SLC35D2: variants seen among roughly 807,000 people sequenced by gnomAD.
SLC35D2 encodes the protein solute carrier family 35 member D2.
A neutral mutation model predicts 41.8 loss-of-function variants in SLC35D2; 43 were observed. The observed-to-expected ratio is 1.03, with a 90% CI of 0.81 to 1.33. The LOEUF is 1.33. Among genes scored for constraint, SLC35D2 ranks in the 40% most tolerant of loss-of-function variants. The probability of loss-of-function intolerance (pLI) is 0.00; values close to 1 mark genes in which losing one functional copy is unlikely to be tolerated. For synonymous variants in SLC35D2, 150 were observed against 163.9 expected (o/e 0.92, Z 0.65); for missense variants, 380 against 408.4 (o/e 0.93, Z 0.60).
chr9:96,355,513 T>C (rs532435664), intron 4 of SLC35D2, among the ~76,000 whole-genome samples: 38 of 152,004 alleles, frequency 2.5e-4, no homozygotes, highest in African/African-American at 7.2e-4. Context: ...ATTTTTTTTT[T>C]TTGAGACGGA....
chr9:96,358,080 TTATATATATATATATATA>T (rs34633441), intron 4 of SLC35D2, among the ~76,000 whole-genome samples: 38,456 of 122,808 alleles, frequency 0.31, 6,435 homozygotes, highest in East Asian at 0.57. Flanking sequence ...ATTATATATT[TTATATATATATATATATA>T]TATATATATA....
intron 7 of SLC35D2, 59 bp from the exon 8 acceptor site, chr9:96,344,055 T>C (rs528886803): frequency 2.7e-5 from 30 of 1,103,328 alleles, no homozygotes; most frequent in Admixed American, 1.6e-4. Context: ...ACAGATTTCC[T>C]GGAGCCATTT....
intron 8 of SLC35D2, among the ~76,000 whole-genome samples, chr9:96,338,989 TATCA>T (rs1199871529): frequency 1.3e-5 from 2 of 152,190 alleles, no homozygotes; most frequent in African/African-American, 4.8e-5. Context: ...AACAGTAAAA[TATCA>T]ATCAATCCAT....
At chr9:96,364,434 T>A (rs774778392) in intron 3 of SLC35D2, 30 bp downstream of exon 3, 4 of 1,263,348 alleles carry the variant, frequency 3.2e-6, no homozygotes, top group Non-Finnish European at 3.5e-6. Flanking sequence ...ACATCTTCTA[T>A]CACAGTCATA....
At chr9:96,324,539 G>A (rs964369893) in intron 9 of SLC35D2, among the ~76,000 whole-genome samples, 6 of 127,146 alleles carry the variant, frequency 4.7e-5, no homozygotes, top group African/African-American at 8.0e-5. Flanking sequence ...CCTCAGAATC[G>A]CCTGCTGCAC....
intron 1 of SLC35D2, among the ~76,000 whole-genome samples, chr9:96,377,628 T>G (rs1831012766): frequency 6.6e-6 from 1 of 152,224 alleles, no homozygotes; most frequent in African/African-American, 2.4e-5. Flanking sequence ...GTCTCCACAT[T>G]GTTATTTTGA....
At chr9:96,350,524 C>G (rs1829770364) in intron 6 of SLC35D2, among the ~76,000 whole-genome samples, 1 of 151,948 alleles carries the variant, frequency 6.6e-6, no homozygotes, top group Admixed American at 6.6e-5. Flanking sequence ...AGGGATGTAA[C>G]TATTCACATG....
intron 1 of SLC35D2, among the ~76,000 whole-genome samples, chr9:96,377,431 GC>G (rs1053533497): frequency 2.6e-5 from 4 of 152,156 alleles, no homozygotes; most frequent in Non-Finnish European, 5.9e-5. Flanking sequence ...GTCATTGTTT[GC>G]CAGCTCCCCA....
intron 6 of SLC35D2, among the ~76,000 whole-genome samples, chr9:96,346,566 C>T (rs1829584354): frequency 6.6e-6 from 1 of 152,134 alleles, no homozygotes; most frequent in African/African-American, 2.4e-5. Flanking sequence ...TCTGTTGATT[C>T]TCAATCTTTC....
chr9:96,317,968 C>A (rs10120500), downstream of SLC35D2, among the ~76,000 whole-genome samples: 3 of 149,124 alleles, frequency 2.0e-5, no homozygotes, highest in Non-Finnish European at 4.4e-5. Context: ...CCTAGGAGTT[C>A]GAGATTGTAG....
At chr9:96,343,184 A>C (rs1829417150) in intron 8 of SLC35D2, among the ~76,000 whole-genome samples, 1 of 152,200 alleles carries the variant, frequency 6.6e-6, no homozygotes, top group Admixed American at 6.5e-5. Flanking sequence ...ACTATGGAGA[A>C]TGTCCACACG....
chr9:96,380,350 C>T (rs1405361941), intron 1 of SLC35D2, among the ~76,000 whole-genome samples: 1 of 152,184 alleles, frequency 6.6e-6, no homozygotes, highest in Non-Finnish European at 1.5e-5. Context: ...TCAGTCAGCA[C>T]CCTGCTCACT....
At chr9:96,314,414 A>C (rs1828001966) in exon 12 of SLC35D2, 1 of 152,234 alleles carries the variant, frequency 6.6e-6, no homozygotes, top group Non-Finnish European at 1.5e-5. Flanking sequence ...CAGCCATCAA[A>C]AGGAACGAGA....
chr9:96,342,245 G>A (rs1216423412), intron 8 of SLC35D2, among the ~76,000 whole-genome samples: 1 of 151,840 alleles, frequency 6.6e-6, no homozygotes, highest in Non-Finnish European at 1.5e-5. Context: ...TGAGAAGCTG[G>A]GATTACAGGC....
In SLC35D2 at chr9:96,322,091, A is replaced by G. The variant is rs777432070; in HGVS notation, c.832-11T>C. 7 of 1,528,270 alleles carry G rather than the reference A, an allele frequency of 4.6e-6. No homozygotes were observed. The Admixed American group carries it at 5.3e-5, about 11-fold the overall frequency. 94.7% of individuals were successfully genotyped at this position (1,528,270 alleles called of 1,614,324 possible). On this transcript the variant is annotated splice_polypyrimidine_tract_variant and intron_variant, in intron 10 of 11. Transcript: ENST00000253270. ...GGCAACGGATACATTCTGCAGAAAA[A>G]GAGAGAGGATTCGTCATTTTAAAAG...
Position 96,321,978 on chromosome 9 carries a change from C to A in SLC35D2, c.914+20G>T. 2.2e-6 allele frequency: 3 copies of A among 1,381,012 alleles called. No individual in the cohort carries two copies. The highest frequency in any genetic ancestry group is 3.1e-6 in the Non-Finnish European group (3 of 972,302). 85.5% of individuals were successfully genotyped at this position (1,381,012 alleles called of 1,614,324 possible). ...GGTTCTTGTCTTCCCAAAGCGAGTC[C>A]ATTAAAAATTCCCACTCACCAAATA... On this transcript the variant is annotated intron_variant, in intron 11 of 11. Coordinates refer to ENST00000253270, the MANE Select transcript of SLC35D2 (RefSeq NM_007001.3).
At position 96,335,862 on chromosome 9, in the gene SLC35D2, G is replaced by C. The variant is rs534294328; in HGVS notation, c.752+855C>G. Among the ~76,000 whole-genome samples, 3 of 152,006 alleles carry C rather than the reference G, an allele frequency of 2.0e-5. No homozygotes were observed. In the East Asian group the frequency reaches 5.9e-4, roughly 30 times the overall value. ...AGGTCAGGAGATTGAGATCATCCTG[G>C]CTAATACAGTGAAACCCCATCTCTA... On this transcript the variant is annotated intron_variant, in intron 9 of 11. Transcript: ENST00000253270.
At chr9:96,365,410 C>T (rs1323385548) in intron 2 of SLC35D2, among the ~76,000 whole-genome samples, 1 of 151,722 alleles carries the variant, frequency 6.6e-6, no homozygotes, top group Non-Finnish European at 1.5e-5. Flanking sequence ...CATTATCTCA[C>T]GGGGCTCTAG....
At chr9:96,360,120 G>A in intron 4 of SLC35D2, 34 bp downstream of exon 4, 3 of 1,543,864 alleles carry the variant, frequency 1.9e-6, no homozygotes. Context: ...ACAGAGGTGA[G>A]GAACTTTCCA....
Sources: gnomAD v4.1 joint callset for allele counts (sites outside exome capture counted in the v4.1 genomes callset) on GRCh38, gnomAD v4.1.1 for gene constraint, MANE v1.5 for transcripts, NCBI Gene and HGNC (gene_info 2026-07-23, HGNC 2026-07-21) for gene names.